The following RTL4 variants were observed in gnomAD, a reference collection of about 807,000 sequenced individuals.
RTL4 encodes retrotransposon Gag like 4.
A neutral mutation model predicts 5.3 loss-of-function variants in RTL4; 4 were observed. The observed-to-expected ratio is 0.75, with a 90% CI of 0.37 to 1.72. The LOEUF (loss-of-function observed/expected upper bound fraction) is 1.72. RTL4 is among the 40% of genes most tolerant of loss of function. RTL4 has a pLI of 0.04. For synonymous variants in RTL4, 98 were observed against 87.3 expected, an observed-to-expected ratio of 1.12 and a Z score of -0.68; for missense variants, 260 against 227.1, an observed-to-expected ratio of 1.14 and a Z score of -0.93.
chrX:112,098,287 A>T, the RTL4 span, among the ~76,000 whole-genome samples: 6 of 110,163 alleles, frequency 5.4e-5, no homozygotes, highest in Non-Finnish European at 1.1e-4. Context: ...AAGGACATGA[A>T]CTCATCATTT....
chrX:112,166,746 G>T, the RTL4 span, among the ~76,000 whole-genome samples: 1,031 of 111,989 alleles, frequency 9.2e-3, 13 homozygotes, highest in African/African-American at 0.031. Flanking sequence ...ATCTGAGTGT[G>T]TCTGTGCCTC....
At chrX:112,311,731 G>A in the RTL4 span, among the ~76,000 whole-genome samples, 1 of 110,991 alleles carries the variant, frequency 9.0e-6, no homozygotes, top group Non-Finnish European at 1.9e-5. Flanking sequence ...ATTTCTGTAG[G>A]TGCTCTGGCC....
chrX:112,351,800 A>T, the RTL4 span, among the ~76,000 whole-genome samples: 1 of 111,297 alleles, frequency 9.0e-6, no homozygotes, highest in Non-Finnish European at 1.9e-5. Flanking sequence ...CAGCACACTG[A>T]TGGGTCTTGA....
At chrX:112,168,729 GC>G in the RTL4 span, among the ~76,000 whole-genome samples, 1 of 112,036 alleles carries the variant, frequency 8.9e-6, no homozygotes, top group South Asian at 3.7e-4. Context: ...TCCGGGAATT[GC>G]CCATCCCTTT....
At chrX:112,196,749 C>T in the RTL4 span, among the ~76,000 whole-genome samples, 1 of 111,491 alleles carries the variant, frequency 9.0e-6, no homozygotes, top group East Asian at 2.8e-4. Flanking sequence ...AACATCTTTT[C>T]ATGAAATAAT....
At chrX:112,362,936 G>A in the RTL4 span, among the ~76,000 whole-genome samples, 2 of 110,799 alleles carry the variant, frequency 1.8e-5, no homozygotes, top group African/African-American at 6.6e-5. Context: ...CCATCCCAAG[G>A]TCTGAGCTGT....
chrX:112,137,869 A>G, the RTL4 span, among the ~76,000 whole-genome samples: 7 of 112,001 alleles, frequency 6.2e-5, no homozygotes, highest in East Asian at 1.1e-3. Flanking sequence ...TAGAACCACC[A>G]TTTGATCTAG....
the RTL4 span, among the ~76,000 whole-genome samples, chrX:112,290,426 G>T: frequency 8.9e-6 from 1 of 111,954 alleles, no homozygotes; most frequent in Non-Finnish European, 1.9e-5. Context: ...AGTCATGATG[G>T]ACAGTGACAG....
the RTL4 span, among the ~76,000 whole-genome samples, chrX:112,224,664 T>G: frequency 2.3e-4 from 26 of 111,585 alleles, no homozygotes; most frequent in African/African-American, 8.5e-4. Flanking sequence ...GAGAAATACT[T>G]CAGGCACCCA....
chrX:112,231,054 CA>C, the RTL4 span, among the ~76,000 whole-genome samples: 1 of 110,075 alleles, frequency 9.1e-6, no homozygotes, highest in African/African-American at 3.3e-5. Flanking sequence ...GAATGGTGAT[CA>C]TTAAAAAGTC....
At chrX:112,263,284 G>A in the RTL4 span, among the ~76,000 whole-genome samples, 1 of 110,502 alleles carries the variant, frequency 9.0e-6, no homozygotes, top group South Asian at 3.9e-4. Flanking sequence ...GTTCAGAGGT[G>A]ATCACCTAGG....
chrX:112,132,471 G>A, the RTL4 span, among the ~76,000 whole-genome samples: 2 of 110,723 alleles, frequency 1.8e-5, no homozygotes, highest in Non-Finnish European at 3.8e-5. Flanking sequence ...ACCCCTTTGA[G>A]ATTCTGAAGA....
At chrX:112,135,703 C>T in the RTL4 span, among the ~76,000 whole-genome samples, 3 of 110,207 alleles carry the variant, frequency 2.7e-5, no homozygotes, top group South Asian at 3.8e-4. Flanking sequence ...ATGTGAGATA[C>T]GGATTAAAGT....
chrX:112,137,941 C>T, the RTL4 span, among the ~76,000 whole-genome samples: 2 of 111,672 alleles, frequency 1.8e-5, no homozygotes, highest in African/African-American at 3.2e-5. Context: ...GAGATATCTG[C>T]GTAGCCATGT....
chrX:112,124,319 G>A, the RTL4 span, among the ~76,000 whole-genome samples: 1 of 111,342 alleles, frequency 9.0e-6, no homozygotes, highest in African/African-American at 3.3e-5. Flanking sequence ...CTCATTACTG[G>A]GTATATACCC....
chrX:112,243,420 C>A, the RTL4 span, among the ~76,000 whole-genome samples: 1 of 111,114 alleles, frequency 9.0e-6, no homozygotes, highest in South Asian at 3.8e-4. Context: ...CTGGTTTAGC[C>A]TTGGGAGGGT....
chrX:112,242,017 G>A, the RTL4 span, among the ~76,000 whole-genome samples: 2 of 111,367 alleles, frequency 1.8e-5, no homozygotes, highest in Non-Finnish European at 3.8e-5. Flanking sequence ...GATGTGTGGT[G>A]TTATTTCTGA....
the RTL4 span, among the ~76,000 whole-genome samples, chrX:112,229,355 C>G: frequency 6.2e-5 from 7 of 112,111 alleles, no homozygotes; most frequent in Admixed American, 1.9e-4. Context: ...CAAATAGGTA[C>G]TATTATCACC....
At chrX:112,095,235 T>C in the RTL4 span, among the ~76,000 whole-genome samples, 41 of 111,511 alleles carry the variant, frequency 3.7e-4, no homozygotes, top group Non-Finnish European at 1.3e-4. Context: ...TTCTGACCCT[T>C]TTATATTTTC....
Sources: allele counts gnomAD v4.1 joint callset (sites outside exome capture counted in the v4.1 genomes callset), GRCh38; gene constraint gnomAD v4.1.1; transcripts MANE v1.5; gene names NCBI Gene and HGNC (gene_info 2026-07-23, HGNC 2026-07-21).